The following VWA8 variants were observed in gnomAD, a reference collection of about 807,000 sequenced individuals.
VWA8 encodes von Willebrand factor A domain-containing protein 8.
A neutral mutation model predicts 241.5 loss-of-function variants in VWA8; 221 were observed. The observed-to-expected ratio is 0.91, with a 90% CI of 0.82 to 1.02. The LOEUF (loss-of-function observed/expected upper bound fraction) is 1.02, where lower values mean the gene tolerates loss of function less well. VWA8 is among the 50% of genes least tolerant of loss of function. The probability of loss-of-function intolerance (pLI) is 0.00; values close to 1 mark genes in which losing one functional copy is unlikely to be tolerated. For synonymous variants in VWA8, 852 were observed against 827.1 expected (o/e 1.03, Z -0.52); for missense variants, 2,322 against 2,328.7 (o/e 1.00, Z 0.06).
intron 39 of VWA8, among the ~76,000 whole-genome samples, chr13:41,608,088 G>A (rs2044564099): frequency 6.6e-6 from 1 of 152,048 alleles, no homozygotes; most frequent in Non-Finnish European, 1.5e-5. Context: ...ATCAAGGAAG[G>A]AGCTAGCCAT....
At chr13:41,950,150 T>C (rs1020844170) in intron 1 of VWA8, 137 bp from the exon 2 acceptor site, 2 of 475,138 alleles carry the variant, frequency 4.2e-6, no homozygotes, top group Admixed American at 3.9e-5. Context: ...AGTCAAGCAC[T>C]ATGCTCTAAA....
chr13:41,926,791 G>A lies in VWA8; in HGVS notation c.242-14623C>T, dbSNP rs1208312041. 7.3e-6 allele frequency: 4 copies of A among 549,000 alleles called. No individual in the cohort carries two copies. The East Asian group carries it at 1.5e-4, about 20-fold the overall frequency. The allele number at this position is 549,000 out of a possible 1,614,324, so 34.0% of individuals were successfully genotyped here. ...TGGTAGAAGAACTTGAGAAAGCCCT[G>A]GGGGGTAAAGCTGCCAGAAACTAAC... On this transcript the variant is annotated intron_variant, in intron 2 of 44. Transcript: ENST00000379310.
chr13:41,584,956 TCA>T (rs2044407039), intron 42 of VWA8, among the ~76,000 whole-genome samples: 1 of 152,188 alleles, frequency 6.6e-6, no homozygotes, highest in African/African-American at 2.4e-5. Context: ...ATCATCTCCC[TCA>T]CTGGGCTACC....
intron 9 of VWA8, among the ~76,000 whole-genome samples, chr13:41,871,755 G>A (rs1486862838): frequency 3.9e-5 from 6 of 152,002 alleles, no homozygotes; most frequent in Non-Finnish European, 7.4e-5. Flanking sequence ...GAATAGTGCC[G>A]CAATAAACAT....
At chr13:41,743,001 G>A (rs115376521) in intron 21 of VWA8, among the ~76,000 whole-genome samples, 2,017 of 152,324 alleles carry the variant, frequency 0.013, 23 homozygotes, top group Middle Eastern at 0.054. Flanking sequence ...TAAAGTATGA[G>A]TTTTCCAGGT....
chr13:41,784,616 T>C lies in VWA8; in HGVS notation c.2171-715A>G, dbSNP rs555563349. 3.6e-4 allele frequency among the ~76,000 whole-genome samples: 54 copies of C among 149,054 alleles called. 1 individual carries two copies. The South Asian group carries it at 0.012, about 32-fold the overall frequency. ...AGGTTGAGGCTACAGTGAGCCATGA[T>C]TGCACCACTGTACTCCAGCCTGGGT... On this transcript the variant is annotated intron_variant, in intron 18 of 44. Coordinates refer to ENST00000379310, the MANE Select transcript of VWA8 (RefSeq NM_015058.2).
intron 34 of VWA8, among the ~76,000 whole-genome samples, chr13:41,688,747 G>T (rs1225492688): frequency 6.6e-6 from 1 of 152,058 alleles, no homozygotes; most frequent in Non-Finnish European, 1.5e-5. Flanking sequence ...AATATCACAT[G>T]TTCTCACAAG....
intron 24 of VWA8, among the ~76,000 whole-genome samples, chr13:41,726,854 G>A (rs2045438499): frequency 6.6e-6 from 1 of 152,002 alleles, no homozygotes; most frequent in South Asian, 2.1e-4. Flanking sequence ...AATTAACCAG[G>A]CTCAGTGGTA....
intron 14 of VWA8, among the ~76,000 whole-genome samples, chr13:41,826,779 C>T (rs530689416): frequency 6.5e-4 from 99 of 151,958 alleles, no homozygotes; most frequent in Non-Finnish European, 1.3e-3. Flanking sequence ...GAGGCTAAGG[C>T]GGGAGGATGG....
chr13:41,840,870 T>G (rs1871968536), intron 12 of VWA8, among the ~76,000 whole-genome samples: 1 of 152,006 alleles, frequency 6.6e-6, no homozygotes. Context: ...ATGGGTCAGG[T>G]CATCCTATAG....
intron 37 of VWA8, among the ~76,000 whole-genome samples, chr13:41,631,870 C>T (rs1399674417): frequency 6.6e-6 from 1 of 152,090 alleles, no homozygotes; most frequent in Non-Finnish European, 1.5e-5. Context: ...GGAAATGCAC[C>T]CTTCCTGCTG....
At chr13:41,902,818 A>G (rs1875520380) in intron 4 of VWA8, among the ~76,000 whole-genome samples, 2 of 152,172 alleles carry the variant, frequency 1.3e-5, no homozygotes, top group South Asian at 2.1e-4. Flanking sequence ...GCCATGACCA[A>G]CAACTCAGGA....
At chr13:41,659,365 C>T (rs1053485048) in intron 37 of VWA8, among the ~76,000 whole-genome samples, 1 of 152,168 alleles carries the variant, frequency 6.6e-6, no homozygotes, top group African/African-American at 2.4e-5. Flanking sequence ...GCAGTAATAA[C>T]AGTACCTTTC....
intron 9 of VWA8, among the ~76,000 whole-genome samples, chr13:41,869,359 C>A (rs189240808): frequency 1.4e-3 from 213 of 152,116 alleles, no homozygotes; most frequent in African/African-American, 4.9e-3. Context: ...AACCACCAGG[C>A]ACAGTAGCTC....
chr13:41,830,479 T>C, intron 14 of VWA8, 50 bp downstream of exon 14: 2 of 1,438,842 alleles, frequency 1.4e-6, no homozygotes, highest in South Asian at 1.2e-5. Context: ...AAAAGTATTA[T>C]TTTTAACTTA....
intron 17 of VWA8, 145 bp from the exon 18 acceptor site, chr13:41,787,688 C>A: frequency 1.7e-6 from 1 of 580,528 alleles, no homozygotes; most frequent in South Asian, 2.3e-5. Context: ...TCTGTAAAAT[C>A]TAAATCAAAC....
At chr13:41,805,944 A>G (rs186864646) in intron 17 of VWA8, among the ~76,000 whole-genome samples, 15 of 152,122 alleles carry the variant, frequency 9.9e-5, no homozygotes, top group Admixed American at 2.6e-4. Flanking sequence ...CACATGGATC[A>G]TTCTCAAGGA....
At chr13:41,833,590 A>ACCG in intron 12 of VWA8, 59 bp from the exon 13 acceptor site, 1 of 1,494,872 alleles carries the variant, frequency 6.7e-7, no homozygotes, top group Admixed American at 2.2e-5. Flanking sequence ...TAAGACATGC[A>ACCG]AGGTAGCTTA....
intron 30 of VWA8, among the ~76,000 whole-genome samples, chr13:41,692,175 C>T (rs1040908937): frequency 2.0e-5 from 3 of 151,954 alleles, no homozygotes; most frequent in African/African-American, 7.2e-5. Flanking sequence ...TTAAAAACAA[C>T]ACCAAACATT....
Sources: gnomAD v4.1 joint callset for allele counts (sites outside exome capture counted in the v4.1 genomes callset) on GRCh38, gnomAD v4.1.1 for gene constraint, MANE v1.5 for transcripts, NCBI Gene and HGNC (gene_info 2026-07-23, HGNC 2026-07-21) for gene names.